Variants in MYO15A observed in about 807,000 individuals in gnomAD.
MYO15A encodes the protein unconventional myosin-XV.
Under a neutral mutation model 394.6 loss-of-function variants are expected in MYO15A, and 308 were observed. That is an observed-to-expected ratio of 0.78 (90% CI 0.71 to 0.86). The LOEUF (loss-of-function observed/expected upper bound fraction) is 0.86. Among genes scored for constraint, MYO15A ranks in the 40% least tolerant of loss-of-function variants. The probability of loss-of-function intolerance (pLI) is 0.00; values close to 1 mark genes in which losing one functional copy is unlikely to be tolerated. For missense variants in MYO15A, 4,606 were observed against 4,799.1 expected, an observed-to-expected ratio of 0.96 and a Z score of 1.19; for synonymous variants, 1,957 against 2,003.8, an observed-to-expected ratio of 0.98 and a Z score of 0.62.
intron 45 of MYO15A, 21 bp downstream of exon 45, chr17:18,154,776 G>A: frequency 6.2e-7 from 1 of 1,611,580 alleles, no homozygotes; most frequent in Non-Finnish European, 8.5e-7. Context: ...GGAGAGGAGG[G>A]GTACTGATGG....
chr17:18,125,538 CA>C (rs34328243), intron 4 of MYO15A: 125,845 of 280,464 alleles, frequency 0.45, 16,070 homozygotes, highest in Non-Finnish European at 0.52. Context: ...ACTAAAAATA[CA>C]AAAAAAAAAA....
At chr17:18,144,042 G>A (rs368117920) in intron 28 of MYO15A, 42 bp downstream of exon 28, 209 of 1,611,968 alleles carry the variant, frequency 1.3e-4, no homozygotes, top group Non-Finnish European at 1.7e-4. Context: ...GCTGATAGGC[G>A]CTGACCAATT....
intron 18 of MYO15A, 135 bp from the exon 19 acceptor site, chr17:18,139,399 C>T: frequency 9.4e-7 from 1 of 1,065,386 alleles, no homozygotes; most frequent in Middle Eastern, 2.0e-4. Flanking sequence ...GGCGAATGCT[C>T]CCCTCCCCCA....
intron 30 of MYO15A, among the ~76,000 whole-genome samples, chr17:18,146,856 T>C (rs1422836303): frequency 2.0e-5 from 3 of 151,950 alleles, no homozygotes; most frequent in Admixed American, 6.6e-5. Flanking sequence ...ACCCAGGAGG[T>C]TGAGGATGCA....
At chr17:18,178,385 A>C in intron 65 of MYO15A, 1 of 327,756 alleles carries the variant, frequency 3.1e-6, no homozygotes, top group South Asian at 2.9e-5. Flanking sequence ...AAAAAAAAAG[A>C]ATTTACATGC....
In MYO15A at chr17:18,119,676, C is replaced by T. The variant is rs368755362; in HGVS notation, c.876C>T (p.Pro292=). 2.4e-4 allele frequency: 390 copies of T among 1,607,292 alleles called. 3 individuals are homozygous for T. The East Asian group carries it at 6.5e-3, about 27-fold the overall frequency. The part of the protein sequence containing the change: ...PPEDPYDYYH[P]DYYGGPFDPG... ...AGGATCCCTACGACTACTACCACCC[C>T]GACTATTACGGTGGCCCCTTTGATC... is the stretch of plus-strand genomic sequence containing the variant. Residue 292 remains proline (P), a synonymous_variant, in exon 2 of 66, where the codon CCC becomes CCT. Coordinates refer to ENST00000647165, the MANE Select transcript of MYO15A (RefSeq NM_016239.4).
chr17:18,126,652 G>A, intron 5 of MYO15A, 139 bp from the exon 6 acceptor site: 2 of 1,154,730 alleles, frequency 1.7e-6, no homozygotes, highest in South Asian at 1.2e-5. Flanking sequence ...AGACCAGGAT[G>A]GGGGTGGGAG....
rs369781492 is a variant in MYO15A, at chr17:18,144,575, G to A, written c.6256G>A (p.Val2086Met). ...GCCAGCCGAGCACCATGCAGAAGCCGTGAGCATCTTCAAGCTGGTATGGGG... is the reference window on the plus strand; with the variant it reads ...GCCAGCCGAGCACCATGCAGAAGCCATGAGCATCTTCAAGCTGGTATGGGG... ...QLPAEHHAEA[V>M]SIFKLILRFM... Residue 2086 changes from valine to methionine, a missense_variant, in exon 29 of 66, where the codon GTG becomes ATG. Val to Met is a conservative substitution (Grantham distance 21). Transcript: ENST00000647165. The A allele has an allele frequency of 5.7e-5, 92 of 1,612,564 alleles. No homozygotes were observed. Among genetic ancestry groups the A allele is most frequent in the African/African-American group, 8.0e-5 (6 of 74,904 alleles).
intron 59 of MYO15A, 63 bp from the exon 60 acceptor site, chr17:18,163,679 G>T: frequency 1.4e-6 from 2 of 1,475,492 alleles, no homozygotes; most frequent in Non-Finnish European, 1.9e-6. Context: ...GGCCTGAGTG[G>T]GGCCAGAAGG....
Position 18,118,860 on chromosome 17 carries a change from A to C in MYO15A, c.60A>C (p.Ala20=), listed in dbSNP as rs1567617605. 6.2e-7 allele frequency: 1 copy of C among 1,613,010 alleles called. No homozygotes were observed. The change falls in exon 2 of 66, where the codon GCA becomes GCC. Residue 20 remains alanine, a synonymous_variant. Coordinates refer to ENST00000647165, the MANE Select transcript of MYO15A (RefSeq NM_016239.4). ...AGAAAGGGAAGAAGGGGAAGAAGGC[A>C]CCGGAGCCGGAGAAGCCCAAACGGA... ...KAKKGKKGKK[A]PEPEKPKRSL... is the part of the protein sequence containing the mutation.
chr17:18,144,610 G>A lies in MYO15A; in HGVS notation c.6273+18G>A. On this transcript the variant is annotated intron_variant, in intron 29 of 65. Coordinates refer to ENST00000647165, the MANE Select transcript of MYO15A (RefSeq NM_016239.4). ...TCAAGCTGGTATGGGGTCTGCCCCAGCCCACCTTCTAATTCTTAGCCCCTG... is the reference window on the plus strand; with the variant it reads ...TCAAGCTGGTATGGGGTCTGCCCCAACCCACCTTCTAATTCTTAGCCCCTG... 1.2e-6 allele frequency: 2 copies of A among 1,607,952 alleles called. No homozygotes were observed. The highest frequency in any genetic ancestry group is 1.7e-6 in the Non-Finnish European group (2 of 1,178,670).
chr17:18,129,545 T>TCA (rs2046114402), intron 7 of MYO15A, among the ~76,000 whole-genome samples: 1 of 152,216 alleles, frequency 6.6e-6, no homozygotes, highest in Non-Finnish European at 1.5e-5. Flanking sequence ...AGGTATTGTT[T>TCA]CTGTGGTGAC....
At chr17:18,140,084 G>A (rs2046351359) in intron 19 of MYO15A, among the ~76,000 whole-genome samples, 1 of 152,192 alleles carries the variant, frequency 6.6e-6, no homozygotes, top group African/African-American at 2.4e-5. Flanking sequence ...GGCTTGGGGA[G>A]GCCCTGCATC....
rs1359016529 is a variant in MYO15A, at chr17:18,159,305, A to C, written c.9187A>C (p.Ser3063Arg). Residue 3063 changes from serine (S) to arginine (R), a missense_variant, in exon 54 of 66, where the codon AGC becomes CGC. Physicochemically the swap from Ser to Arg is moderately radical, Grantham distance 110. Coordinates refer to ENST00000647165, the MANE Select transcript of MYO15A (RefSeq NM_016239.4). ...TPLQESLIEL[S>R]DSSLSKMATD... ...CCTCCAGGAATCCCTCATCGAACTC[A>C]GCGACAGCAGCCTCAGCAAGATGGC... The C allele has an allele frequency of 1.2e-6, 2 of 1,614,022 alleles. No individual in the cohort carries two copies. Among genetic ancestry groups the C allele is most frequent in the South Asian group, 2.2e-5 (2 of 91,072 alleles).
chr17:18,144,673 G>C, intron 29 of MYO15A, 81 bp downstream of exon 29: 1 of 1,407,356 alleles, frequency 7.1e-7, no homozygotes, highest in Non-Finnish European at 9.9e-7. Flanking sequence ...AGTCTTCCCA[G>C]CCCTCCCCAA....
At chr17:18,173,260 T>G (rs1438147706) in intron 64 of MYO15A, among the ~76,000 whole-genome samples, 2 of 152,186 alleles carry the variant, frequency 1.3e-5, no homozygotes, top group Non-Finnish European at 2.9e-5. Context: ...TGACTTTCCC[T>G]GTATGTGGTC....
At chr17:18,110,076 G>C (rs1389484339) in intron 1 of MYO15A, 1 of 152,248 alleles carries the variant, frequency 6.6e-6, no homozygotes, top group Non-Finnish European at 1.5e-5. Flanking sequence ...AGCCCACCGT[G>C]TCCCAGACCA....
intron 3 of MYO15A, 112 bp from the exon 4 acceptor site, chr17:18,125,056 C>T: frequency 9.8e-7 from 1 of 1,016,348 alleles, no homozygotes; most frequent in Non-Finnish European, 1.6e-6. Context: ...GTGTCAGAAA[C>T]AGGACTTGAA....
At chr17:18,136,506 C>T (rs767526271) in intron 14 of MYO15A, 31 bp downstream of exon 14, 18 of 1,613,662 alleles carry the variant, frequency 1.1e-5, no homozygotes, top group South Asian at 9.9e-5. Context: ...GCCTGAGCCC[C>T]GAGGCCCAGC....
Sources: allele counts gnomAD v4.1 joint callset (sites outside exome capture counted in the v4.1 genomes callset), GRCh38; gene constraint gnomAD v4.1.1; transcripts MANE v1.5; gene names NCBI Gene and HGNC (gene_info 2026-07-23, HGNC 2026-07-21).